The following ALMS1 variants were observed in gnomAD, a reference collection of about 807,000 sequenced individuals.
The protein encoded by ALMS1 is centrosome-associated protein ALMS1.
A neutral mutation model predicts 352.2 loss-of-function variants in ALMS1; 271 were observed. The observed-to-expected ratio is 0.77, with a 90% CI of 0.70 to 0.85. The LOEUF is 0.85. Ranked by LOEUF, ALMS1 falls within the 40% of genes least tolerant of loss-of-function variation. The pLI is 0.00. For synonymous variants in ALMS1, 1,865 were observed against 1,761.2 expected, an observed-to-expected ratio of 1.06 and a Z score of -1.48; for missense variants, 5,445 against 4,870.7, an observed-to-expected ratio of 1.12 and a Z score of -3.51.
At chr2:73,509,107 C>A (rs1673398152) in intron 10 of ALMS1, among the ~76,000 whole-genome samples, 1 of 152,018 alleles carries the variant, frequency 6.6e-6, no homozygotes, top group East Asian at 1.9e-4. Flanking sequence ...CTTGGTAGAT[C>A]TCCCTCCATC....
chr2:73,404,968 G>A (rs183110213), intron 1 of ALMS1, among the ~76,000 whole-genome samples: 2 of 132,922 alleles, frequency 1.5e-5, no homozygotes, highest in Admixed American at 1.7e-4. Context: ...CTGGAGTGCA[G>A]TGGTGCAATC....
intron 3 of ALMS1, among the ~76,000 whole-genome samples, chr2:73,419,925 G>T (rs1170245368): frequency 6.6e-6 from 1 of 152,184 alleles, no homozygotes; most frequent in Admixed American, 6.5e-5. Context: ...AGAGAAGCAT[G>T]AATAGAACTT....
chr2:73,520,685 T>C (rs1160007141), intron 11 of ALMS1, among the ~76,000 whole-genome samples: 1 of 152,240 alleles, frequency 6.6e-6, no homozygotes, highest in Non-Finnish European at 1.5e-5. Flanking sequence ...TTAGCTGTGT[T>C]TTCCAAAATG....
intron 1 of ALMS1, among the ~76,000 whole-genome samples, chr2:73,395,579 ATGTT>A (rs761646591): frequency 2.5e-4 from 38 of 152,046 alleles, no homozygotes; most frequent in Non-Finnish European, 5.0e-4. Context: ...TCTTAATTGA[ATGTT>A]TGGGTTATTC....
chr2:73,472,138 A>C (rs889703925), intron 9 of ALMS1, among the ~76,000 whole-genome samples: 1 of 152,096 alleles, frequency 6.6e-6, no homozygotes, highest in African/African-American at 2.4e-5. Context: ...ATATCTAAAA[A>C]TAGTCAAATT....
At chr2:73,414,673 A>G (rs1671150964) in intron 2 of ALMS1, among the ~76,000 whole-genome samples, 1 of 152,018 alleles carries the variant, frequency 6.6e-6, no homozygotes, top group Middle Eastern at 3.4e-3. Context: ...ATTATTAATC[A>G]TTACATAACT....
chr2:73,553,133 T>C lies in ALMS1; in HGVS notation c.10078+2696T>C, dbSNP rs544891269. Among the ~76,000 whole-genome samples, 3 of 152,288 alleles carry C rather than the reference T, an allele frequency of 2.0e-5. 1 individual carries two copies. In the South Asian group the frequency reaches 6.2e-4, roughly 32 times the overall value. Reference sequence around the variant, plus strand: ...TTAAAACTGATTTGAAAAGAGATTCTAACAGCTTCCAAAAAGAAAACATAC... The same window carrying C: ...TTAAAACTGATTTGAAAAGAGATTCCAACAGCTTCCAAAAAGAAAACATAC... On this transcript the variant is annotated intron_variant, in intron 13 of 22. Transcript: ENST00000613296.
chr2:73,452,546 CAGAAAACTG>C lies in ALMS1; in HGVS notation c.6022_6030del (p.Lys2008_Glu2010del). The C allele has an allele frequency of 6.2e-7, 1 of 1,614,016 alleles. No homozygotes were observed. ...TTCAACTGTGCATATACCAGATGAC[CAGAAAACTG>C]AGTTTCCAGCAGCTACCCTTAGTTC... On this transcript the variant is annotated inframe_deletion, in exon 8 of 23. Coordinates refer to ENST00000613296, the MANE Select transcript of ALMS1 (RefSeq NM_001378454.1).
intron 9 of ALMS1, among the ~76,000 whole-genome samples, chr2:73,481,017 T>A (rs1282479706): frequency 2.6e-5 from 4 of 151,144 alleles, no homozygotes; most frequent in Non-Finnish European, 5.9e-5. Context: ...TTTCTCCCAT[T>A]TTGTAGGTTT....
chr2:73,462,621 G>A (rs906446115), intron 9 of ALMS1, among the ~76,000 whole-genome samples: 89 of 152,290 alleles, frequency 5.8e-4, no homozygotes, highest in African/African-American at 1.7e-3. Flanking sequence ...AACTTTAAAT[G>A]TAAATGGACT....
intron 7 of ALMS1, among the ~76,000 whole-genome samples, chr2:73,438,601 A>G (rs1671652480): frequency 6.6e-6 from 1 of 152,198 alleles, no homozygotes; most frequent in Admixed American, 6.5e-5. Flanking sequence ...AATTTGGAAG[A>G]TCTTAAATAA....
chr2:73,573,134 A>G lies in ALMS1; in HGVS notation c.11257A>G (p.Ile3753Val), dbSNP rs1407190613. Residue 3753 changes from isoleucine (I) to valine (V), a missense_variant, in exon 16 of 23, where the codon ATC (isoleucine) becomes GTC (valine). By Grantham distance (29) the Ile-to-Val change is conservative. Coordinates refer to ENST00000613296, the MANE Select transcript of ALMS1 (RefSeq NM_001378454.1). ...SELLTDTTTN[I>V]LSGTTSTVES... ...GCTGCTCACAGATACTACCACCAAC[A>G]TCCTTTCCGGCACCACTTCTACTGT... is the stretch of plus-strand genomic sequence containing the variant. 5.6e-6 allele frequency: 9 copies of G among 1,613,800 alleles called. No individual in the cohort carries two copies. The Admixed American group carries it at 1.3e-4, about 24-fold the overall frequency.
chr2:73,513,229 C>T (rs1300731028), intron 10 of ALMS1, among the ~76,000 whole-genome samples: 1 of 152,022 alleles, frequency 6.6e-6, no homozygotes, highest in Non-Finnish European at 1.5e-5. Flanking sequence ...GACCACTCCT[C>T]AACATGTATA....
At chr2:73,469,857 C>G (rs1236703268) in intron 9 of ALMS1, 2 of 151,744 alleles carry the variant, frequency 1.3e-5, no homozygotes, top group East Asian at 3.9e-4. Flanking sequence ...TTGGTATACT[C>G]TTAACAAAAA....
chr2:73,445,589 T>G (rs1671796159), intron 7 of ALMS1, among the ~76,000 whole-genome samples: 2 of 152,176 alleles, frequency 1.3e-5, no homozygotes, highest in Admixed American at 1.3e-4. Flanking sequence ...AGGGCTTGCT[T>G]ATTCTTCTTA....
chr2:73,479,536 G>C (rs184642802), intron 9 of ALMS1, among the ~76,000 whole-genome samples: 14 of 152,112 alleles, frequency 9.2e-5, no homozygotes, highest in Admixed American at 9.2e-4. Context: ...GATTCATCCA[G>C]ACTGTTTTAT....
chr2:73,483,168 G>T (rs1318426417), intron 9 of ALMS1, among the ~76,000 whole-genome samples: 3 of 144,512 alleles, frequency 2.1e-5, no homozygotes, highest in African/African-American at 7.7e-5. Flanking sequence ...TGATGTTAGG[G>T]TGTCAATTTT....
At chr2:73,557,183 T>C (rs1249923843) in intron 13 of ALMS1, 37 bp from the exon 14 acceptor site, 14 of 1,613,604 alleles carry the variant, frequency 8.7e-6, no homozygotes, top group Non-Finnish European at 1.2e-5. Flanking sequence ...GTTTATTATC[T>C]TTCCTTTTCT....
chr2:73,577,658 T>G (rs532801497), intron 16 of ALMS1, among the ~76,000 whole-genome samples: 36 of 152,220 alleles, frequency 2.4e-4, no homozygotes, highest in Non-Finnish European at 4.7e-4. Context: ...TGCTGATTTC[T>G]TCTTTGACCA....
Sources: allele counts gnomAD v4.1 joint callset (sites outside exome capture counted in the v4.1 genomes callset), GRCh38; gene constraint gnomAD v4.1.1; transcripts MANE v1.5; gene names NCBI Gene and HGNC (gene_info 2026-07-23, HGNC 2026-07-21).